TTC8: variants seen among roughly 807,000 people sequenced by gnomAD.
The protein encoded by TTC8 is tetratricopeptide repeat protein 8.
TTC8 carries 47 observed loss-of-function variants against 72.5 expected under a neutral mutation model. That is an observed-to-expected ratio of 0.65 (90% CI 0.51 to 0.83). TTC8 has a LOEUF of 0.83. Ranked by LOEUF, TTC8 falls within the 40% of genes least tolerant of loss-of-function variation. TTC8 has a pLI of 0.00. For synonymous variants in TTC8, 199 were observed against 221.4 expected (o/e 0.90, Z 0.90); for missense variants, 611 against 623.2 (o/e 0.98, Z 0.21).
chr14:88,879,201 G>C (rs565497716), downstream of TTC8: 1 of 152,330 alleles, frequency 6.6e-6, no homozygotes, highest in Admixed American at 6.5e-5. Context: ...GCTCAGGGCA[G>C]AATGATGACA....
At chr14:88,843,778 C>T (rs200633752) in intron 6 of TTC8, 28 bp from the exon 7 acceptor site, 19 of 1,553,206 alleles carry the variant, frequency 1.2e-5, no homozygotes, top group South Asian at 3.5e-5. Context: ...AAAAATCTAA[C>T]GTATTTTTGA....
intron 8 of TTC8, among the ~76,000 whole-genome samples, chr14:88,853,692 C>T (rs568757269): frequency 1.2e-4 from 19 of 152,190 alleles, no homozygotes; most frequent in East Asian, 9.6e-4. Context: ...TCTGTAGGAC[C>T]TGAGTATTTT....
At chr14:88,879,324 C>CA (rs1035615521), downstream of TTC8, 3 of 152,116 alleles carry the variant, frequency 2.0e-5, no homozygotes, top group Admixed American at 6.5e-5. Flanking sequence ...AGAAAGAACA[C>CA]AAAAAATACT....
At chr14:88,831,260 A>G (rs567501589) in intron 1 of TTC8, among the ~76,000 whole-genome samples, 4 of 152,322 alleles carry the variant, frequency 2.6e-5, no homozygotes, top group South Asian at 4.1e-4. Flanking sequence ...ACAACAACCT[A>G]TAAGTTACTG....
chr14:88,861,414 C>A, intron 10 of TTC8, 82 bp downstream of exon 10: 1 of 987,216 alleles, frequency 1.0e-6, no homozygotes, highest in Non-Finnish European at 1.6e-6. Context: ...ATTTTAATTC[C>A]TGTATACAAT....
intron 9 of TTC8, among the ~76,000 whole-genome samples, chr14:88,860,224 A>G (rs1343248974): frequency 6.6e-6 from 1 of 151,926 alleles, no homozygotes; most frequent in Non-Finnish European, 1.5e-5. Context: ...TTAATGATAA[A>G]TACTTTAGTT....
intron 7 of TTC8, among the ~76,000 whole-genome samples, chr14:88,848,361 C>T (rs2094818432): frequency 6.6e-6 from 1 of 151,890 alleles, no homozygotes; most frequent in Non-Finnish European, 1.5e-5. Context: ...AGTTGTCATA[C>T]ATTATAGGTG....
At chr14:88,826,393 CA>C (rs2094700820) in intron 1 of TTC8, among the ~76,000 whole-genome samples, 1 of 151,948 alleles carries the variant, frequency 6.6e-6, no homozygotes, top group South Asian at 2.1e-4. Context: ...TACGTTGGTA[CA>C]ACAGAAGCTT....
At position 88,861,573 on chromosome 14, in the gene TTC8, A is replaced by G. The variant is rs78034300; in HGVS notation, c.909+241A>G. The stretch of plus-strand genomic sequence containing the variant: ...CATAATTTCCCTACTGTACTATCAA[A>G]TAGAACTTATTCTTTATGTCTAAAT... On this transcript the variant is annotated intron_variant, in intron 10 of 14. Coordinates refer to ENST00000380656, the MANE Select transcript of TTC8 (RefSeq NM_144596.4). Among the ~76,000 whole-genome samples, 156 of 152,306 alleles carry G rather than the reference A, an allele frequency of 1.0e-3. No homozygotes were observed. The East Asian group carries it at 0.018, about 17-fold the overall frequency.
At chr14:88,859,158 G>A (rs756874178) in intron 9 of TTC8, among the ~76,000 whole-genome samples, 6 of 152,088 alleles carry the variant, frequency 3.9e-5, no homozygotes, top group Non-Finnish European at 8.8e-5. Context: ...ATGAATGGAT[G>A]GTTATTATGT....
At chr14:88,824,518 G>A, upstream of TTC8, 1 of 591,996 alleles carries the variant, frequency 1.7e-6, no homozygotes. Flanking sequence ...ACCAAGTTTA[G>A]GCAAGCCCTG....
intron 1 of TTC8, chr14:88,831,109 A>C: frequency 4.3e-6 from 1 of 234,706 alleles, no homozygotes; most frequent in Non-Finnish European, 8.8e-6. Context: ...AGACAGGTTA[A>C]AGTGAAGAAA....
intron 8 of TTC8, among the ~76,000 whole-genome samples, 191 bp from the exon 9 acceptor site, chr14:88,856,999 A>C (rs540628122): frequency 9.2e-5 from 14 of 152,366 alleles, no homozygotes; most frequent in African/African-American, 3.1e-4. Context: ...GGGGGTTAGA[A>C]GCCAGTGAAT....
At chr14:88,830,772 C>T in intron 1 of TTC8, 1 of 443,010 alleles carries the variant, frequency 2.3e-6, no homozygotes, top group Non-Finnish European at 4.5e-6. Context: ...ATTTAAATCA[C>T]AGAACTACAA....
intron 8 of TTC8, among the ~76,000 whole-genome samples, chr14:88,853,914 G>T (rs1208293492): frequency 1.2e-4 from 18 of 152,138 alleles, no homozygotes; most frequent in Non-Finnish European, 4.4e-5. Flanking sequence ...TTAAAATAGG[G>T]TAGACTTCAG....
intron 1 of TTC8, chr14:88,830,729 T>C (rs1253724045): frequency 2.0e-5 from 8 of 408,388 alleles, no homozygotes; most frequent in South Asian, 1.5e-4. Context: ...AGAAATAGTT[T>C]GCTAGACTAA....
Position 88,840,862 on chromosome 14 carries a change from T to C in TTC8, c.266-3T>C, listed in dbSNP as rs1226057104. Reference sequence around the variant, plus strand: ...AAATTGTATTAGCCATCTTGTCTCCTAGGCCCTGGAACGTCTTTGAAACTC... The same window carrying C: ...AAATTGTATTAGCCATCTTGTCTCCCAGGCCCTGGAACGTCTTTGAAACTC... On this transcript the variant is annotated splice_region_variant and splice_polypyrimidine_tract_variant and intron_variant, in intron 3 of 14. Coordinates refer to ENST00000380656, the MANE Select transcript of TTC8 (RefSeq NM_144596.4). 6.2e-7 allele frequency: 1 copy of C among 1,614,040 alleles called. No individual in the cohort carries two copies. Among genetic ancestry groups the C allele is most frequent in the East Asian group, 2.2e-5 (1 of 44,890 alleles).
intron 2 of TTC8, among the ~76,000 whole-genome samples, chr14:88,835,411 G>T (rs1215221794): frequency 1.3e-5 from 2 of 152,136 alleles, no homozygotes; most frequent in Non-Finnish European, 2.9e-5. Context: ...CAGGAGTAAT[G>T]TCCTATAGAC....
chr14:88,859,854 A>ATAATATAAATATATTTATATTAT (rs1409334815), intron 9 of TTC8, among the ~76,000 whole-genome samples: 1 of 73,180 alleles, frequency 1.4e-5, no homozygotes, highest in East Asian at 3.8e-4. Flanking sequence ...ATAAATATAT[A>ATAATATAAATATATTTATATTAT]ATCATATATA....
Sources: gnomAD v4.1 joint callset for allele counts (sites outside exome capture counted in the v4.1 genomes callset) on GRCh38, gnomAD v4.1.1 for gene constraint, MANE v1.5 for transcripts, NCBI Gene and HGNC (gene_info 2026-07-23, HGNC 2026-07-21) for gene names.